The following TAFA1 variants were observed in gnomAD, a reference collection of about 807,000 sequenced individuals.
TAFA1 encodes the protein chemokine-like protein TAFA-1.
Under a neutral mutation model 18.5 loss-of-function variants are expected in TAFA1, and 4 were observed. The ratio of observed to expected loss-of-function variants is 0.22; its 90% confidence interval spans 0.11 to 0.49. The LOEUF (loss-of-function observed/expected upper bound fraction) is 0.49, where lower values mean the gene tolerates loss of function less well. Ranked by LOEUF, TAFA1 falls within the 20% of genes least tolerant of loss-of-function variation. TAFA1 has a pLI of 0.98. For missense variants in TAFA1, 147 were observed against 169.0 expected (o/e 0.87, Z 0.72); for synonymous variants, 56 against 55.2 (o/e 1.01, Z -0.06).
At chr3:68,472,500 A>G (rs1335596943) in intron 3 of TAFA1, among the ~76,000 whole-genome samples, 2 of 138,128 alleles carry the variant, frequency 1.4e-5, no homozygotes, top group Non-Finnish European at 3.2e-5. Flanking sequence ...GTTTAGAACT[A>G]AATACACACA....
chr3:68,125,087 C>A (rs2090012627), intron 2 of TAFA1, among the ~76,000 whole-genome samples: 1 of 152,094 alleles, frequency 6.6e-6, no homozygotes, highest in African/African-American at 2.4e-5. Context: ...TCAGGTTTTC[C>A]TTTAGGCCTA....
chr3:68,471,556 C>G (rs1338239980), intron 3 of TAFA1, among the ~76,000 whole-genome samples: 1 of 152,112 alleles, frequency 6.6e-6, no homozygotes, highest in Admixed American at 6.6e-5. Flanking sequence ...GTCCGACGTT[C>G]AAGGGCAAGA....
intron 2 of TAFA1, among the ~76,000 whole-genome samples, chr3:68,081,124 A>T (rs2064892963): frequency 6.6e-6 from 1 of 152,068 alleles, no homozygotes; most frequent in South Asian, 2.1e-4. Flanking sequence ...GGGCTTCTGC[A>T]TTCTTCACGT....
At chr3:68,506,868 C>A (rs2072767501) in intron 3 of TAFA1, among the ~76,000 whole-genome samples, 1 of 151,994 alleles carries the variant, frequency 6.6e-6, no homozygotes, top group African/African-American at 2.4e-5. Context: ...AAGGCAGCCA[C>A]AGTGCAAATG....
chr3:68,448,970 G>T (rs1364749020), intron 3 of TAFA1, among the ~76,000 whole-genome samples: 2 of 152,180 alleles, frequency 1.3e-5, no homozygotes, highest in Non-Finnish European at 2.9e-5. Flanking sequence ...TGAGCTGCCT[G>T]TTACTCAGGT....
chr3:68,482,196 G>C (rs1396069605), intron 3 of TAFA1, among the ~76,000 whole-genome samples: 3 of 152,162 alleles, frequency 2.0e-5, no homozygotes, highest in Non-Finnish European at 2.9e-5. Context: ...ATTTTTAATA[G>C]AGACGGGGTT....
intron 2 of TAFA1, among the ~76,000 whole-genome samples, chr3:68,022,857 T>C (rs984115588): frequency 1.4e-5 from 2 of 142,814 alleles, no homozygotes; most frequent in Non-Finnish European, 3.0e-5. Context: ...TATATATATA[T>C]ATAAAATTAA....
At position 68,210,120 on chromosome 3, in the gene TAFA1, T is replaced by A. The variant is rs183801385; in HGVS notation, c.118+203376T>A. The stretch of plus-strand genomic sequence containing the variant: ...CTCTCGTTACCACTAACTCCTGTTT[T>A]TGAAGGTTTTTCTATTGTTTAACAC... On this transcript the variant is annotated intron_variant, in intron 2 of 4. Transcript: ENST00000478136. Among the ~76,000 whole-genome samples the A allele has an allele frequency of 2.0e-4, 30 of 152,158 alleles. No homozygotes were observed. The East Asian group carries it at 3.9e-3, about 20-fold the overall frequency.
intron 2 of TAFA1, among the ~76,000 whole-genome samples, chr3:68,361,958 T>C (rs1176417742): frequency 2.6e-5 from 4 of 152,110 alleles, no homozygotes; most frequent in African/African-American, 9.7e-5. Flanking sequence ...GTGTCACTCA[T>C]CTATTAACCA....
At chr3:68,110,416 T>C (rs1390873602) in intron 2 of TAFA1, among the ~76,000 whole-genome samples, 1 of 152,214 alleles carries the variant, frequency 6.6e-6, no homozygotes, top group African/African-American at 2.4e-5. Flanking sequence ...TCTTCTATTG[T>C]GAATAGTGCT....
At chr3:68,255,464 T>C (rs2067279387) in intron 2 of TAFA1, among the ~76,000 whole-genome samples, 1 of 152,126 alleles carries the variant, frequency 6.6e-6, no homozygotes, top group Non-Finnish European at 1.5e-5. Context: ...TTTTAAGGTC[T>C]TAGTGTACAA....
chr3:68,449,567 A>T (rs1295441964), intron 3 of TAFA1, among the ~76,000 whole-genome samples: 3 of 152,170 alleles, frequency 2.0e-5, no homozygotes, highest in African/African-American at 7.2e-5. Flanking sequence ...TCTTCTTCCT[A>T]TATTTAAAAA....
At position 68,467,399 on chromosome 3, in the gene TAFA1, T is replaced by A. The variant is rs190992082; in HGVS notation, c.259+49979T>A. On this transcript the variant is annotated intron_variant, in intron 3 of 4. Coordinates refer to ENST00000478136, the MANE Select transcript of TAFA1 (RefSeq NM_213609.4). Reference sequence around the variant, plus strand: ...GTTCTTCTGTCATGGCTTCAGCAGGTCCCTCCATTTGGGGTCCCTGACTTC... The same window carrying A: ...GTTCTTCTGTCATGGCTTCAGCAGGACCCTCCATTTGGGGTCCCTGACTTC... Among the ~76,000 whole-genome samples, 52 of 152,274 alleles carry A rather than the reference T, an allele frequency of 3.4e-4. 1 individual carries two copies. Among genetic ancestry groups the A allele is most frequent in the Admixed American group, 2.2e-3 (33 of 15,282 alleles).
chr3:68,466,704 T>C (rs933651176), intron 3 of TAFA1, among the ~76,000 whole-genome samples: 3 of 152,174 alleles, frequency 2.0e-5, no homozygotes, highest in African/African-American at 7.2e-5. Context: ...TTTCAATATT[T>C]TTATTTTAAC....
At chr3:68,141,930 C>T (rs1172799660) in intron 2 of TAFA1, among the ~76,000 whole-genome samples, 1 of 152,122 alleles carries the variant, frequency 6.6e-6, no homozygotes, top group Non-Finnish European at 1.5e-5. Flanking sequence ...AAATTTTATC[C>T]CCATTCTAAG....
At chr3:68,394,629 G>C (rs545682500) in intron 2 of TAFA1, among the ~76,000 whole-genome samples, 1 of 152,162 alleles carries the variant, frequency 6.6e-6, no homozygotes, top group South Asian at 2.1e-4. Context: ...GAACAGAACA[G>C]AGGCCTCACA....
At chr3:68,323,627 G>A (rs1230873892) in intron 2 of TAFA1, among the ~76,000 whole-genome samples, 1 of 152,112 alleles carries the variant, frequency 6.6e-6, no homozygotes, top group Non-Finnish European at 1.5e-5. Flanking sequence ...GAAAGGGGAG[G>A]AGGAAGAATA....
intron 2 of TAFA1, among the ~76,000 whole-genome samples, chr3:68,089,216 G>C (rs559394247): frequency 1.5e-4 from 23 of 152,260 alleles, no homozygotes; most frequent in Admixed American, 1.5e-3. Context: ...TCTCAGTATT[G>C]GCTAAGTGAT....
At chr3:68,053,429 G>T (rs1184814494) in intron 2 of TAFA1, among the ~76,000 whole-genome samples, 1 of 152,096 alleles carries the variant, frequency 6.6e-6, no homozygotes. Context: ...TGTAGAGTCT[G>T]ATGGTACTTT....
Sources: gnomAD v4.1 joint callset for allele counts (sites outside exome capture counted in the v4.1 genomes callset) on GRCh38, gnomAD v4.1.1 for gene constraint, MANE v1.5 for transcripts, NCBI Gene and HGNC (gene_info 2026-07-23, HGNC 2026-07-21) for gene names.